GSTT4: variants seen among roughly 807,000 people sequenced by gnomAD.
The protein encoded by GSTT4 is glutathione S-transferase theta-4.
rs1489396227 is a variant in GSTT4, at chr22:24,000,262, T to G, written c.352-11A>C. ...CTTTGGGATCAGCAACTGGCCAGGG[T>G]TGGGAAGAGGAGGGAAGAGGAGGCT... On this transcript the variant is annotated splice_polypyrimidine_tract_variant and intron_variant, in intron 3 of 4. Transcript: ENST00000621179. 6 of 152,938 alleles carry G rather than the reference T, an allele frequency of 3.9e-5. No individual in the cohort carries two copies. In the Admixed American group the frequency reaches 3.9e-4, roughly 10 times the overall value. 9.5% of individuals were successfully genotyped at this position (152,938 alleles called of 1,614,324 possible). A position where few individuals can be genotyped will look rare whatever the true frequency, so the allele number is the denominator to read the frequency against.
At chr22:24,002,626 C>T (rs1276575990) in intron 2 of GSTT4, among the ~76,000 whole-genome samples, 1 of 54,090 alleles carries the variant, frequency 1.8e-5, no homozygotes, top group Non-Finnish European at 4.9e-5. Context: ...GTCAGGAGAT[C>T]GAGACCATCC....
the GSTT4 span, among the ~76,000 whole-genome samples, chr22:23,990,653 TAAAC>T: frequency 0.068 from 3,822 of 56,578 alleles, 498 homozygotes; most frequent in East Asian, 0.26. Flanking sequence ...AATAAATAAA[TAAAC>T]AAACAAACAA....
At chr22:24,002,716 A>G (rs1046208188) in intron 2 of GSTT4, among the ~76,000 whole-genome samples, 1 of 151,604 alleles carries the variant, frequency 6.6e-6, no homozygotes, top group African/African-American at 2.4e-5. Context: ...CTGTAGTCCC[A>G]GCTACTCAGG....
downstream of GSTT4, among the ~76,000 whole-genome samples, chr22:23,996,007 G>A (rs987037413): frequency 1.7e-4 from 26 of 152,112 alleles, 1 homozygote; most frequent in African/African-American, 6.3e-4. Context: ...GCAGTGGCTT[G>A]ATCTTGGCAC....
downstream of GSTT4, among the ~76,000 whole-genome samples, chr22:23,997,436 T>G (rs1438000045): frequency 6.6e-6 from 1 of 152,124 alleles, no homozygotes; most frequent in Non-Finnish European, 1.5e-5. Context: ...TTACCCAGGC[T>G]GTTCTCAATC....
chr22:23,997,098 G>A (rs958205362), downstream of GSTT4, among the ~76,000 whole-genome samples: 5 of 151,902 alleles, frequency 3.3e-5, no homozygotes, highest in Admixed American at 3.3e-4. Flanking sequence ...ATTTCATCTA[G>A]GTTGTCTAAA....
At chr22:23,997,796 T>G (rs578161514), downstream of GSTT4, among the ~76,000 whole-genome samples, 94 of 152,324 alleles carry the variant, frequency 6.2e-4, no homozygotes, top group Non-Finnish European at 1.0e-3. Context: ...TTAACTTATG[T>G]GTTTACAGCT....
downstream of GSTT4, among the ~76,000 whole-genome samples, chr22:23,995,281 C>T (rs1282477309): frequency 3.9e-5 from 3 of 76,330 alleles, no homozygotes; most frequent in Non-Finnish European, 6.1e-5. Context: ...TACAGGCATA[C>T]GCCACCACAC....
intron 3 of GSTT4, 141 bp downstream of exon 3, chr22:24,001,034 G>A (rs1368756937): frequency 3.6e-5 from 4 of 111,436 alleles, no homozygotes; most frequent in Admixed American, 2.0e-4. Context: ...GCGGGCAGGA[G>A]AAGGAGCTGA....
At chr22:23,997,823 G>C (rs2034132085), downstream of GSTT4, among the ~76,000 whole-genome samples, 1 of 152,080 alleles carries the variant, frequency 6.6e-6, no homozygotes, top group Non-Finnish European at 1.5e-5. Flanking sequence ...TTTGCTCTTA[G>C]AACTGCTTCT....
intron 4 of GSTT4, among the ~76,000 whole-genome samples, chr22:23,999,613 T>A (rs2146227039): frequency 3.3e-5 from 4 of 120,462 alleles, no homozygotes; most frequent in African/African-American, 1.3e-4. Flanking sequence ...CACTCAGGTG[T>A]GCCTCCAAAT....
chr22:23,993,880 G>T (rs557168182), downstream of GSTT4, among the ~76,000 whole-genome samples: 6 of 146,856 alleles, frequency 4.1e-5, no homozygotes, highest in African/African-American at 1.5e-4. Flanking sequence ...CTGGGCCATC[G>T]TCTCTCCTCA....
chr22:24,001,766 C>T (rs1201995032), intron 2 of GSTT4, among the ~76,000 whole-genome samples: 2 of 152,242 alleles, frequency 1.3e-5, no homozygotes, highest in Non-Finnish European at 2.9e-5. Context: ...GGGGCAGATC[C>T]CTTGAGGCCA....
chr22:23,999,335 G>C (rs1332139226), intron 4 of GSTT4, among the ~76,000 whole-genome samples: 1 of 151,628 alleles, frequency 6.6e-6, no homozygotes, highest in Middle Eastern at 3.4e-3. Context: ...GTGCTGGTCT[G>C]CCCTGCAAAC....
At chr22:23,993,563 C>G (rs1206044188), downstream of GSTT4, among the ~76,000 whole-genome samples, 2 of 152,244 alleles carry the variant, frequency 1.3e-5, no homozygotes, top group Non-Finnish European at 2.9e-5. Flanking sequence ...CCCTAGGGGC[C>G]ACCTTGTTCC....
At chr22:24,002,702 G>A (rs1376867060) in intron 2 of GSTT4, among the ~76,000 whole-genome samples, 2 of 151,984 alleles carry the variant, frequency 1.3e-5, no homozygotes, top group Non-Finnish European at 2.9e-5. Context: ...ATGGTGGCGG[G>A]CACCTGTAGT....
At chr22:24,003,699 T>A (rs371268622) in intron 2 of GSTT4, 61 bp downstream of exon 2, 1 of 154,742 alleles carries the variant, frequency 6.5e-6, no homozygotes, top group Non-Finnish European at 1.5e-5. Flanking sequence ...GACAAATGCT[T>A]GCACTGAACC....
chr22:24,001,740 C>T, intron 2 of GSTT4, among the ~76,000 whole-genome samples: 1 of 152,394 alleles, frequency 6.6e-6, no homozygotes. Context: ...AATCCCGGCA[C>T]TTTGGGAGGC....
chr22:24,002,841 A>AC (rs2034262982), intron 2 of GSTT4, among the ~76,000 whole-genome samples: 1 of 152,160 alleles, frequency 6.6e-6, no homozygotes, highest in Non-Finnish European at 1.5e-5. Flanking sequence ...AAAAAAAAAA[A>AC]AAAAAAAAAC....
Sources: gnomAD v4.1 joint callset for allele counts (sites outside exome capture counted in the v4.1 genomes callset) on GRCh38, gnomAD v4.1.1 for gene constraint, MANE v1.5 for transcripts, NCBI Gene and HGNC (gene_info 2026-07-23, HGNC 2026-07-21) for gene names.